The following ITPR2 variants were observed in gnomAD, a reference collection of about 807,000 sequenced individuals.
The protein encoded by ITPR2 is inositol 1,4,5-trisphosphate-gated calcium channel ITPR2.
ITPR2 carries 207 observed loss-of-function variants against 317.1 expected under a neutral mutation model. The observed-to-expected ratio is 0.65, with a 90% confidence interval of 0.58 to 0.73. The LOEUF (loss-of-function observed/expected upper bound fraction) is 0.73. Among genes scored for constraint, ITPR2 ranks in the 30% least tolerant of loss-of-function variants. The probability of loss-of-function intolerance (pLI) is 0.00; values close to 1 mark genes in which losing one functional copy is unlikely to be tolerated. For synonymous variants in ITPR2, 1,156 were observed against 1,149.1 expected (o/e 1.01, Z -0.12); for missense variants, 2,613 against 3,284.0 (o/e 0.80, Z 4.99).
intron 9 of ITPR2, among the ~76,000 whole-genome samples, chr12:26,701,132 A>G (rs7310067): frequency 0.63 from 95,809 of 151,448 alleles, 30,943 homozygotes; most frequent in Non-Finnish European, 0.7. Flanking sequence ...GAAGTCAGGT[A>G]TGGTGCAAAA....
intron 1 of ITPR2, among the ~76,000 whole-genome samples, chr12:26,802,323 T>C (rs1950569042): frequency 1.3e-5 from 2 of 151,768 alleles, no homozygotes. Context: ...AAATAATTTT[T>C]AAAAAAGAAA....
At chr12:26,453,316 A>C (rs1282794081) in intron 45 of ITPR2, among the ~76,000 whole-genome samples, 1 of 152,252 alleles carries the variant, frequency 6.6e-6, no homozygotes, top group African/African-American at 2.4e-5. Flanking sequence ...ATGAAACTAA[A>C]TACTATCTAT....
At chr12:26,761,622 C>T (rs775973641) in intron 2 of ITPR2, among the ~76,000 whole-genome samples, 1 of 152,176 alleles carries the variant, frequency 6.6e-6, no homozygotes, top group Non-Finnish European at 1.5e-5. Flanking sequence ...AGTGAGAACA[C>T]ATTTCTACAA....
chr12:26,489,892 T>A (rs1942759019), intron 39 of ITPR2, among the ~76,000 whole-genome samples: 1 of 152,118 alleles, frequency 6.6e-6, no homozygotes, highest in African/African-American at 2.4e-5. Context: ...CCCATGGAAC[T>A]GGCAAGTGTC....
intron 1 of ITPR2, among the ~76,000 whole-genome samples, chr12:26,805,367 A>T (rs1355687333): frequency 6.6e-6 from 1 of 152,236 alleles, no homozygotes; most frequent in Non-Finnish European, 1.5e-5. Flanking sequence ...CATCATTATC[A>T]TCATTATTAA....
chr12:26,625,351 A>C (rs2136817144), intron 23 of ITPR2, among the ~76,000 whole-genome samples: 1 of 152,332 alleles, frequency 6.6e-6, no homozygotes, highest in East Asian at 1.9e-4. Context: ...TTTGTAACAC[A>C]AAAGATAAAT....
chr12:26,408,988 A>G (rs979376594), intron 52 of ITPR2, among the ~76,000 whole-genome samples: 8 of 152,218 alleles, frequency 5.3e-5, no homozygotes, highest in Non-Finnish European at 8.8e-5. Flanking sequence ...GGCCAAAGAG[A>G]TCCCAGGAGT....
chr12:26,379,321 A>G (rs1386546884), intron 55 of ITPR2, among the ~76,000 whole-genome samples: 1 of 152,232 alleles, frequency 6.6e-6, no homozygotes, highest in Non-Finnish European at 1.5e-5. Context: ...CAGCTGGATA[A>G]GTAGTCAACA....
At chr12:26,551,483 G>A (rs1011801192) in intron 36 of ITPR2, among the ~76,000 whole-genome samples, 4 of 152,242 alleles carry the variant, frequency 2.6e-5, no homozygotes, top group African/African-American at 9.6e-5. Flanking sequence ...ACTCTGTGGT[G>A]ACAGGACTCA....
intron 35 of ITPR2, 86 bp from the exon 36 acceptor site, chr12:26,556,461 T>C (rs1944663237): frequency 1.5e-6 from 2 of 1,325,952 alleles, no homozygotes; most frequent in African/African-American, 1.5e-5. Context: ...AGAATACTAA[T>C]GGGAATTTTA....
intron 1 of ITPR2, among the ~76,000 whole-genome samples, chr12:26,806,670 A>G (rs916060631): frequency 6.6e-6 from 1 of 152,274 alleles, no homozygotes; most frequent in Non-Finnish European, 1.5e-5. Flanking sequence ...GAGTGGTAGT[A>G]GCTGGGACTA....
intron 47 of ITPR2, among the ~76,000 whole-genome samples, chr12:26,437,218 CT>C (rs1447674086): frequency 1.3e-5 from 2 of 152,092 alleles, no homozygotes; most frequent in African/African-American, 4.8e-5. Flanking sequence ...CATTCTCTAA[CT>C]TTTAAAAACT....
intron 45 of ITPR2, among the ~76,000 whole-genome samples, chr12:26,448,010 A>AAAAAAC (rs1941652708): frequency 2.0e-5 from 3 of 151,290 alleles, no homozygotes; most frequent in Admixed American, 1.3e-4. Context: ...TTTAAAAAAA[A>AAAAAAC]AAAAACCCAG....
chr12:26,421,282 A>C (rs1940883021), intron 49 of ITPR2: 1 of 152,134 alleles, frequency 6.6e-6, no homozygotes. Context: ...TTTTTGTTTC[A>C]TTTTTGAACC....
chr12:26,717,905 C>T lies in ITPR2; in HGVS notation c.526-1663G>A, dbSNP rs577389178. On this transcript the variant is annotated intron_variant, in intron 5 of 56. Coordinates refer to ENST00000381340, the MANE Select transcript of ITPR2 (RefSeq NM_002223.4). Reference sequence around the variant, plus strand: ...AAGCATATTCCCAATCCCCATTCTCCCTAGGAAAACACGTGCTGTTGCACA... The same window carrying T: ...AAGCATATTCCCAATCCCCATTCTCTCTAGGAAAACACGTGCTGTTGCACA... Among the ~76,000 whole-genome samples, 15 of 152,264 alleles carry T rather than the reference C, an allele frequency of 9.9e-5. No homozygotes were observed. The South Asian group carries it at 2.7e-3, about 27-fold the overall frequency.
At chr12:26,388,785 A>G (rs939786662) in intron 54 of ITPR2, among the ~76,000 whole-genome samples, 1 of 152,210 alleles carries the variant, frequency 6.6e-6, no homozygotes, top group Non-Finnish European at 1.5e-5. Context: ...TATGGAAAAT[A>G]CTATAAGATT....
intron 32 of ITPR2, among the ~76,000 whole-genome samples, chr12:26,594,231 A>C (rs1467413523): frequency 6.6e-6 from 1 of 152,138 alleles, no homozygotes. Flanking sequence ...AACAGGAACT[A>C]CCTCACTCAC....
At chr12:26,340,063 T>A in intron 56 of ITPR2, 104 bp downstream of exon 56, 1 of 1,151,012 alleles carries the variant, frequency 8.7e-7, no homozygotes, top group Non-Finnish European at 1.2e-6. Context: ...GAGTTTGCAA[T>A]TCTCTGTGGA....
chr12:26,607,109 T>G (rs1018941348), intron 26 of ITPR2, among the ~76,000 whole-genome samples: 3 of 152,182 alleles, frequency 2.0e-5, no homozygotes, highest in Non-Finnish European at 4.4e-5. Context: ...CCTATCCCAC[T>G]GAAGTTTAAG....
Sources: gnomAD v4.1 joint callset for allele counts (sites outside exome capture counted in the v4.1 genomes callset) on GRCh38, gnomAD v4.1.1 for gene constraint, MANE v1.5 for transcripts, NCBI Gene and HGNC (gene_info 2026-07-23, HGNC 2026-07-21) for gene names.